The following ANGPT1 variants were observed in gnomAD, a reference collection of about 807,000 sequenced individuals.
ANGPT1 encodes the protein angiopoietin-1.
ANGPT1 carries 17 observed loss-of-function variants against 62.2 expected under a neutral mutation model. The ratio of observed to expected loss-of-function variants is 0.27; its 90% CI spans 0.19 to 0.41. ANGPT1 has a LOEUF of 0.41. ANGPT1 is among the 10% of genes least tolerant of loss of function. ANGPT1 has a pLI of 1.00. For missense variants in ANGPT1, 478 were observed against 594.9 expected, an observed-to-expected ratio of 0.80 and a Z score of 2.04; for synonymous variants, 199 against 198.9, an observed-to-expected ratio of 1.00 and a Z score of 0.00.
chr8:107,352,391 C>T (rs757536607), intron 1 of ANGPT1, among the ~76,000 whole-genome samples: 38 of 152,124 alleles, frequency 2.5e-4, no homozygotes, highest in Non-Finnish European at 5.9e-5. Flanking sequence ...ATATAATCAG[C>T]CATTTGTAGT....
intron 7 of ANGPT1, among the ~76,000 whole-genome samples, chr8:107,273,926 T>TAAAAAA (rs76777380): frequency 7.7e-6 from 1 of 129,298 alleles, no homozygotes. Flanking sequence ...GCTTCATCAT[T>TAAAAAA]AAAAAAAAAA....
At chr8:107,446,566 A>T (rs960729479) in intron 1 of ANGPT1, among the ~76,000 whole-genome samples, 22 of 152,348 alleles carry the variant, frequency 1.4e-4, no homozygotes, top group Admixed American at 1.3e-3. Flanking sequence ...TAAAGTGGTA[A>T]TAGATTTTGG....
At chr8:107,418,250 C>T (rs1350087722) in intron 1 of ANGPT1, among the ~76,000 whole-genome samples, 2 of 151,938 alleles carry the variant, frequency 1.3e-5, no homozygotes, top group East Asian at 1.9e-4. Flanking sequence ...CTAGATAAAC[C>T]CCCGTCACCA....
At chr8:107,279,776 G>A (rs997034417) in intron 7 of ANGPT1, among the ~76,000 whole-genome samples, 2 of 152,078 alleles carry the variant, frequency 1.3e-5, no homozygotes, top group Admixed American at 6.6e-5. Context: ...AAGGAAGGGG[G>A]GGGGAGAGAG....
chr8:107,359,081 A>G (rs1816107807), intron 1 of ANGPT1, among the ~76,000 whole-genome samples: 1 of 152,164 alleles, frequency 6.6e-6, no homozygotes, highest in Non-Finnish European at 1.5e-5. Context: ...TCTTATTTTT[A>G]AATCAATATT....
intron 1 of ANGPT1, among the ~76,000 whole-genome samples, chr8:107,482,020 A>G (rs1418370937): frequency 1.3e-5 from 2 of 152,208 alleles, no homozygotes; most frequent in Non-Finnish European, 2.9e-5. Flanking sequence ...TGCATTGATA[A>G]TGATTAAATT....
intron 1 of ANGPT1, among the ~76,000 whole-genome samples, chr8:107,382,067 T>C (rs1632354): frequency 0.48 from 72,431 of 151,956 alleles, 19,122 homozygotes; most frequent in Non-Finnish European, 0.59. Flanking sequence ...GCCTCTATAT[T>C]CTGAATTAAC....
At chr8:107,288,049 T>C (rs1034547980) in intron 6 of ANGPT1, among the ~76,000 whole-genome samples, 3 of 152,048 alleles carry the variant, frequency 2.0e-5, no homozygotes, top group East Asian at 1.9e-4. Flanking sequence ...CTACTTTGTA[T>C]AAGAAAAGGA....
chr8:107,467,538 G>A (rs1166672601), intron 1 of ANGPT1, among the ~76,000 whole-genome samples: 4 of 152,042 alleles, frequency 2.6e-5, no homozygotes. Context: ...GGGATTTTAT[G>A]ATCCAGTGGT....
intron 2 of ANGPT1, among the ~76,000 whole-genome samples, chr8:107,344,985 G>T (rs767228463): frequency 1.3e-5 from 2 of 152,060 alleles, no homozygotes; most frequent in African/African-American, 2.4e-5. Context: ...TAGCACGAGG[G>T]TATACATTTA....
chr8:107,311,159 G>A (rs1049096487), intron 4 of ANGPT1, among the ~76,000 whole-genome samples: 45 of 151,748 alleles, frequency 3.0e-4, no homozygotes, highest in African/African-American at 1.1e-3. Context: ...ATCATTGAAA[G>A]TACGTGTGTA....
intron 1 of ANGPT1, among the ~76,000 whole-genome samples, chr8:107,490,176 G>A (rs1214588685): frequency 6.6e-6 from 1 of 152,102 alleles, no homozygotes; most frequent in African/African-American, 2.4e-5. Flanking sequence ...ACAAATGACA[G>A]GGGGGAAAGG....
At chr8:107,467,471 G>A (rs1037108764) in intron 1 of ANGPT1, among the ~76,000 whole-genome samples, 12 of 152,116 alleles carry the variant, frequency 7.9e-5, no homozygotes, top group African/African-American at 2.9e-4. Flanking sequence ...AAAAGAGTAT[G>A]GATAAGAAAG....
intron 1 of ANGPT1, among the ~76,000 whole-genome samples, chr8:107,440,174 T>C (rs1335982572): frequency 2.6e-5 from 4 of 152,200 alleles, no homozygotes; most frequent in African/African-American, 7.2e-5. Context: ...ATTGTCTGCA[T>C]AGAGGTGGGT....
chr8:107,306,735 G>A (rs888120443), intron 4 of ANGPT1, among the ~76,000 whole-genome samples: 10 of 151,906 alleles, frequency 6.6e-5, no homozygotes, highest in Admixed American at 1.3e-4. Flanking sequence ...TAAATGACAC[G>A]AGACAGATAG....
chr8:107,285,770 C>T lies in ANGPT1; in HGVS notation c.1039-922G>A, dbSNP rs555944900. ...TCTAGATTTGGAGTATTCACAATTG[C>T]CTCAGAAAATACTCATTGGCAGTGC... On this transcript the variant is annotated intron_variant, in intron 6 of 8. Coordinates refer to ENST00000517746, the MANE Select transcript of ANGPT1 (RefSeq NM_001146.5). 7.9e-5 allele frequency among the ~76,000 whole-genome samples: 12 copies of T among 151,948 alleles called. 1 individual carries two copies. The highest frequency in any genetic ancestry group is 7.9e-4 in the Admixed American group (12 of 15,224).
chr8:107,278,765 A>T (rs1302462837), intron 7 of ANGPT1, among the ~76,000 whole-genome samples: 4 of 152,216 alleles, frequency 2.6e-5, no homozygotes, highest in Non-Finnish European at 5.9e-5. Flanking sequence ...CCACCACAAG[A>T]TGCTTGACTG....
chr8:107,264,841 C>T (rs1024250595), intron 7 of ANGPT1, among the ~76,000 whole-genome samples: 1 of 152,114 alleles, frequency 6.6e-6, no homozygotes, highest in Admixed American at 6.5e-5. Context: ...GTGATCCAGA[C>T]ATTAATATCC....
chr8:107,453,133 C>T (rs74597017), intron 1 of ANGPT1, among the ~76,000 whole-genome samples: 11,843 of 151,968 alleles, frequency 0.078, 494 homozygotes, highest in Middle Eastern at 0.1. Context: ...TCACACAATG[C>T]TAACATAAAC....
Sources: gnomAD v4.1 joint callset for allele counts (sites outside exome capture counted in the v4.1 genomes callset) on GRCh38, gnomAD v4.1.1 for gene constraint, MANE v1.5 for transcripts, NCBI Gene and HGNC (gene_info 2026-07-23, HGNC 2026-07-21) for gene names.